The following DNAH5 variants were observed in gnomAD, a reference collection of about 807,000 sequenced individuals.
DNAH5 encodes axonemal beta dynein heavy chain 5.
DNAH5 carries 372 observed loss-of-function variants against 518.2 expected under a neutral mutation model. That is an observed-to-expected ratio of 0.72 (90% CI 0.66 to 0.78). The LOEUF is 0.78. Among genes scored for constraint, DNAH5 ranks in the 30% least tolerant of loss-of-function variants. The pLI, the probability that DNAH5 is intolerant of heterozygous loss-of-function variation, is 0.00. For missense variants in DNAH5, 5,523 were observed against 5,687.0 expected, an observed-to-expected ratio of 0.97 and a Z score of 0.93; for synonymous variants, 2,039 against 2,025.9, an observed-to-expected ratio of 1.01 and a Z score of -0.17.
At chr5:13,841,660 C>G in intron 33 of DNAH5, 32 bp downstream of exon 33, 1 of 1,547,066 alleles carries the variant, frequency 6.5e-7, no homozygotes. Context: ...GACTATTTTA[C>G]AAAACATACT....
intron 31 of DNAH5, among the ~76,000 whole-genome samples, chr5:13,847,147 C>T (rs751362309): frequency 1.5e-4 from 23 of 152,262 alleles, no homozygotes; most frequent in African/African-American, 4.6e-4. Context: ...ACTCCGATTA[C>T]GATCTGATCT....
intron 16 of DNAH5, 87 bp downstream of exon 16, chr5:13,894,563 A>G: frequency 2.1e-6 from 3 of 1,401,160 alleles, no homozygotes; most frequent in Non-Finnish European, 3.0e-6. Flanking sequence ...CATTATTTAT[A>G]TCTCCATATT....
chr5:13,786,646 A>C (rs891577011), intron 51 of DNAH5, among the ~76,000 whole-genome samples: 5 of 152,192 alleles, frequency 3.3e-5, no homozygotes, highest in African/African-American at 4.8e-5. Context: ...AGGTCCTCCC[A>C]GATATATTAG....
intron 1 of DNAH5, chr5:13,932,585 A>C (rs1028382708): frequency 1.9e-4 from 29 of 152,278 alleles, no homozygotes; most frequent in Non-Finnish European, 1.5e-4. Context: ...TTTCTGAACC[A>C]CATTACAAAG....
chr5:14,010,023 GTATCAA>G (rs779208018), intron 1 of DNAH5, among the ~76,000 whole-genome samples: 36 of 152,150 alleles, frequency 2.4e-4, no homozygotes, highest in Non-Finnish European at 4.4e-4. Context: ...GAGATAATCA[GTATCAA>G]TATTTTGGTG....
rs752656841 is a variant in DNAH5 at position 13,793,549 on chromosome 5, C to T, written c.8190G>A (p.Thr2730=). ...TGTCCACAGAAGCTTCAGAGGGCAA[C>T]GTGCAATTAAATATAGAGAACTGCC... The part of the protein sequence containing the change: ...LKRQFSIFNC[T]LPSEASVDKI... The change falls in exon 49 of 79, where the codon ACG becomes ACA. Residue 2730 remains threonine, a synonymous_variant. Coordinates refer to ENST00000265104, the MANE Select transcript of DNAH5 (RefSeq NM_001369.3). 90 of 1,613,980 alleles carry T rather than the reference C, an allele frequency of 5.6e-5. No homozygotes were observed. The Admixed American group carries it at 8.0e-4, about 14-fold the overall frequency.
rs763560081 is a variant in DNAH5 at position 13,829,710 on chromosome 5, C to G, written c.6250-6G>C. ...CGTCCGGCATAGCCAGGATTCTAAA[C>G]AGAAAATAAAGCCCAAGGATGAATG... is the stretch of plus-strand genomic sequence containing the variant. On this transcript the variant is annotated splice_region_variant and splice_polypyrimidine_tract_variant and intron_variant, in intron 37 of 78. Transcript: ENST00000265104. 5.6e-6 allele frequency: 9 copies of G among 1,613,494 alleles called. No individual in the cohort carries two copies. The East Asian group carries it at 1.3e-4, about 24-fold the overall frequency.
chr5:13,714,884 T>C (rs1744086571), intron 74 of DNAH5, among the ~76,000 whole-genome samples: 2 of 152,252 alleles, frequency 1.3e-5, no homozygotes. Flanking sequence ...ACTGTCTTGT[T>C]ATAAAATATG....
At chr5:13,837,651 C>G (rs1171084066) in intron 35 of DNAH5, among the ~76,000 whole-genome samples, 2 of 149,392 alleles carry the variant, frequency 1.3e-5, no homozygotes, top group Non-Finnish European at 3.0e-5. Context: ...ATAAAATAAC[C>G]ACATAAGCAT....
At position 13,727,241 on chromosome 5, in the gene DNAH5, A is replaced by T. The variant is rs6876673; in HGVS notation, c.12033+266T>A. Among the ~76,000 whole-genome samples the T allele has an allele frequency of 0.55, 84,152 of 152,038 alleles. 23,608 individuals carry two copies. Among genetic ancestry groups the T allele is most frequent in the Non-Finnish European group, 0.59 (39,858 of 67,942 alleles). ...CGCATTACCTGTATGTTATACCTAT[A>T]TGCCAACCTTAGAATCATGGTTTTC... On this transcript the variant is annotated intron_variant, in intron 70 of 78. Coordinates refer to ENST00000265104, the MANE Select transcript of DNAH5 (RefSeq NM_001369.3).
At chr5:13,990,728 A>C (rs1048507792) in intron 1 of DNAH5, among the ~76,000 whole-genome samples, 17 of 149,660 alleles carry the variant, frequency 1.1e-4, no homozygotes, top group African/African-American at 4.2e-4. Flanking sequence ...TTAGCCAGGC[A>C]TGGTGGCGCG....
intron 1 of DNAH5, among the ~76,000 whole-genome samples, chr5:13,972,874 T>C (rs1210655193): frequency 2.6e-5 from 4 of 152,228 alleles, no homozygotes; most frequent in Non-Finnish European, 4.4e-5. Context: ...TTCTTTAGAC[T>C]CTGAACATTA....
intron 74 of DNAH5, among the ~76,000 whole-genome samples, chr5:13,715,341 C>G (rs30174): frequency 6.6e-6 from 1 of 152,088 alleles, no homozygotes; most frequent in African/African-American, 2.4e-5. Flanking sequence ...TGCATAATAT[C>G]TTCTTATGAG....
At chr5:13,897,696 G>A (rs1774077607) in intron 15 of DNAH5, 1 of 152,188 alleles carries the variant, frequency 6.6e-6, no homozygotes, top group Non-Finnish European at 1.5e-5. Flanking sequence ...CAGCTACTCA[G>A]GTTGAGCAGA....
At chr5:13,695,325 A>G (rs10044013) in intron 78 of DNAH5, among the ~76,000 whole-genome samples, 85,854 of 151,438 alleles carry the variant, frequency 0.57, 24,645 homozygotes, top group African/African-American at 0.65. Flanking sequence ...AGGGAGGTAT[A>G]CGGAGGGAGA....
chr5:13,759,291 A>AT lies in DNAH5; in HGVS notation c.10282-309dup, dbSNP rs201519334. On this transcript the variant is annotated intron_variant, in intron 60 of 78. Coordinates refer to ENST00000265104, the MANE Select transcript of DNAH5 (RefSeq NM_001369.3). ...TTGTTCATGTACTTATTTTAAAACT[A>AT]TTTAAACATGTAAAACCTACTCTTA... Among the ~76,000 whole-genome samples the AT allele has an allele frequency of 7.5e-3, 1,141 of 152,362 alleles. 13 individuals are homozygous for AT. Among genetic ancestry groups the AT allele is most frequent in the Middle Eastern group, 0.037 (11 of 294 alleles).
intron 32 of DNAH5, among the ~76,000 whole-genome samples, chr5:13,842,766 A>G (rs1305366909): frequency 1.3e-5 from 2 of 152,098 alleles, no homozygotes; most frequent in African/African-American, 2.4e-5. Flanking sequence ...ATGAATTTGT[A>G]TTTATAATTT....
chr5:13,785,750 G>C (rs1426896632), intron 52 of DNAH5, among the ~76,000 whole-genome samples: 11 of 152,156 alleles, frequency 7.2e-5, no homozygotes, highest in Admixed American at 2.0e-4. Flanking sequence ...ATTTATATGA[G>C]TAGAATTATA....
chr5:13,968,987 A>G (rs1581070123), intron 1 of DNAH5, among the ~76,000 whole-genome samples: 1 of 152,158 alleles, frequency 6.6e-6, no homozygotes, highest in South Asian at 2.1e-4. Flanking sequence ...TACCATTTCT[A>G]TCTCACTGCT....
Sources: gnomAD v4.1 joint callset for allele counts (sites outside exome capture counted in the v4.1 genomes callset) on GRCh38, gnomAD v4.1.1 for gene constraint, MANE v1.5 for transcripts, NCBI Gene and HGNC (gene_info 2026-07-23, HGNC 2026-07-21) for gene names.